CLINT1: variants seen among roughly 807,000 people sequenced by gnomAD.
CLINT1 encodes the protein clathrin interactor 1, also known as clathrin interacting protein localized in the trans-Golgi region.
Under a neutral mutation model 70.4 loss-of-function variants are expected in CLINT1, and 15 were observed. The observed-to-expected ratio is 0.21, with a 90% confidence interval of 0.14 to 0.33. The LOEUF (loss-of-function observed/expected upper bound fraction) is 0.33. Ranked by LOEUF, CLINT1 falls within the 10% of genes least tolerant of loss-of-function variation. CLINT1 has a pLI of 1.00. For missense variants in CLINT1, 615 were observed against 778.1 expected (o/e 0.79, Z 2.49); for synonymous variants, 227 against 254.7 (o/e 0.89, Z 1.04).
At chr5:157,830,757 C>CT (rs1561662736) in intron 1 of CLINT1, among the ~76,000 whole-genome samples, 1,472 of 87,134 alleles carry the variant, frequency 0.017, 25 homozygotes, top group Non-Finnish European at 0.026. Flanking sequence ...CCTCTCTCTC[C>CT]CTCTCTCTCT....
Position 157,819,923 on chromosome 5 carries a change from G to A in CLINT1, c.42-2376C>T, listed in dbSNP as rs138569739. Among the ~76,000 whole-genome samples, 299 of 152,234 alleles carry A rather than the reference G, an allele frequency of 2.0e-3. 13 individuals are homozygous for A. The East Asian group carries it at 0.05, about 26-fold the overall frequency. On this transcript the variant is annotated intron_variant, in intron 1 of 11. Coordinates refer to ENST00000411809, the MANE Select transcript of CLINT1 (RefSeq NM_014666.4). ...GTCAAATAAGAAAGGTTCTGTTTCCGTAACCCTTCACAAGATTCTTAGCTG... is the reference window on the plus strand; with the variant it reads ...GTCAAATAAGAAAGGTTCTGTTTCCATAACCCTTCACAAGATTCTTAGCTG...
chr5:157,835,141 GC>G (rs1485505509), intron 1 of CLINT1, among the ~76,000 whole-genome samples: 1 of 152,122 alleles, frequency 6.6e-6, no homozygotes, highest in Non-Finnish European at 1.5e-5. Context: ...ACACTTTTAT[GC>G]TTTACACGTT....
chr5:157,824,448 T>C (rs1762970979), intron 1 of CLINT1, among the ~76,000 whole-genome samples: 1 of 151,682 alleles, frequency 6.6e-6, no homozygotes, highest in Non-Finnish European at 1.5e-5. Context: ...TGTGGGGAGG[T>C]GGAAAAACTC....
At chr5:157,839,106 G>A (rs1763530446) in intron 1 of CLINT1, among the ~76,000 whole-genome samples, 1 of 152,108 alleles carries the variant, frequency 6.6e-6, no homozygotes, top group Non-Finnish European at 1.5e-5. Context: ...GTGTATGCCT[G>A]TAGTCCCAGG....
intron 1 of CLINT1, among the ~76,000 whole-genome samples, chr5:157,832,741 A>T (rs975300751): frequency 1.3e-5 from 2 of 152,158 alleles, no homozygotes; most frequent in Non-Finnish European, 2.9e-5. Context: ...TGGCTTGAGC[A>T]ACACTTGAGA....
At chr5:157,823,920 T>C (rs2650358) in intron 1 of CLINT1, among the ~76,000 whole-genome samples, 20,277 of 152,030 alleles carry the variant, frequency 0.13, 1,758 homozygotes, top group African/African-American at 0.25. Context: ...GAACTGTGCA[T>C]GTGAGGGACC....
intron 10 of CLINT1, chr5:157,790,028 C>G (rs978731962): frequency 6.0e-6 from 1 of 166,916 alleles, no homozygotes; most frequent in African/African-American, 2.4e-5. Flanking sequence ...GGATGAAACC[C>G]CATCTCTACT....
rs368857753 is a variant in CLINT1 at position 157,803,834 on chromosome 5, G to A, written c.943-115C>T. On this transcript the variant is annotated intron_variant, in intron 7 of 11. Coordinates refer to ENST00000411809, the MANE Select transcript of CLINT1 (RefSeq NM_014666.4). ...AATACCTGTAATTAGCTTAATAAGG[G>A]TAGGGTTTTCTGGAAAAAGAGTACT... is the stretch of plus-strand genomic sequence containing the variant. 4.0e-5 allele frequency: 25 copies of A among 629,206 alleles called. No individual in the cohort carries two copies. In the African/African-American group the frequency reaches 4.1e-4, roughly 10 times the overall value. The allele number at this position is 629,206 out of a possible 1,614,324, so 39.0% of individuals were successfully genotyped here.
intron 6 of CLINT1, 128 bp downstream of exon 6, chr5:157,809,500 A>T: frequency 1.6e-6 from 1 of 628,046 alleles, no homozygotes; most frequent in East Asian, 3.4e-5. Context: ...AGTCTATTAA[A>T]AAAAAAAAAA....
intron 1 of CLINT1, among the ~76,000 whole-genome samples, chr5:157,837,815 T>C (rs945911093): frequency 2.0e-5 from 3 of 151,930 alleles, no homozygotes; most frequent in Admixed American, 2.0e-4. Flanking sequence ...TGCTAACTTT[T>C]GTGTTTTTAG....
At chr5:157,788,022 TACC>T in intron 11 of CLINT1, 30 bp from the exon 12 acceptor site, 1 of 1,531,612 alleles carries the variant, frequency 6.5e-7, no homozygotes, top group Admixed American at 1.9e-5. Context: ...AGAAGAACTT[TACC>T]ACAATAAATT....
chr5:157,805,377 G>A (rs918355964), intron 7 of CLINT1, among the ~76,000 whole-genome samples: 1 of 152,168 alleles, frequency 6.6e-6, no homozygotes, highest in African/African-American at 2.4e-5. Context: ...AAACGAAGAT[G>A]GTACAAGAGG....
chr5:157,813,084 T>C lies in CLINT1; in HGVS notation c.496A>G (p.Ser166Gly), dbSNP rs879682872. 7 of 1,613,930 alleles carry C rather than the reference T, an allele frequency of 4.3e-6. No homozygotes were observed. Among genetic ancestry groups the C allele is most frequent in the African/African-American group, 1.3e-5 (1 of 75,066 alleles). Residue 166 changes from serine to glycine, a missense_variant, in exon 5 of 12, where the codon AGT becomes GGT. By Grantham distance (56) the Ser-to-Gly change is moderately conservative. Transcript: ENST00000411809. ...KDKYVGVSSD[S>G]VGGFRYSERY... is the part of the protein sequence containing the mutation. ...TCACTGTATCTGAATCCTCCAACAC[T>C]GTCTGAGGAAACCCCAACATACTTG...
At chr5:157,840,691 G>A (rs1277196348) in intron 1 of CLINT1, among the ~76,000 whole-genome samples, 1 of 151,758 alleles carries the variant, frequency 6.6e-6, no homozygotes, top group Non-Finnish European at 1.5e-5. Flanking sequence ...AAGTATACAT[G>A]TATTCTCTTT....
intron 11 of CLINT1, 59 bp from the exon 12 acceptor site, chr5:157,788,051 C>G (rs1427037295): frequency 7.8e-7 from 1 of 1,283,902 alleles, no homozygotes; most frequent in African/African-American, 1.5e-5. Context: ...GTTCATAGAA[C>G]AGAGAACTAA....
rs1762497914 is a variant in CLINT1, at chr5:157,809,779, A to G, written c.544T>C (p.Ser182Pro). Residue 182 changes from serine (S) to proline (P), a missense_variant, in exon 6 of 12, where the codon TCA becomes CCA. Physicochemically the swap from Ser to Pro is moderately conservative, Grantham distance 74. Transcript: ENST00000411809. ...TTATCCCACTCCTCATCCCATTTTG[A>G]TTTGGGCTCAGGATCATATCTTTCA... is the stretch of plus-strand genomic sequence containing the variant. Reference protein sequence around the residue: ...YSERYDPEPKSKWDEEWDKNK... With the variant: ...YSERYDPEPKPKWDEEWDKNK... 1 of 1,612,880 alleles carries G rather than the reference A, an allele frequency of 6.2e-7. No homozygotes were observed. The highest frequency in any genetic ancestry group is 8.5e-7 in the Non-Finnish European group (1 of 1,179,416).
intron 1 of CLINT1, among the ~76,000 whole-genome samples, chr5:157,850,188 G>A (rs145053645): frequency 6.6e-6 from 1 of 152,306 alleles, no homozygotes; most frequent in African/African-American, 2.4e-5. Flanking sequence ...ATTTGACTTA[G>A]TATTTTTAAA....
intron 6 of CLINT1, among the ~76,000 whole-genome samples, chr5:157,808,851 T>C (rs1561646888): frequency 2.0e-5 from 3 of 151,970 alleles, no homozygotes; most frequent in African/African-American, 7.2e-5. Flanking sequence ...TTGACTTATG[T>C]TTAATTAAAC....
intron 1 of CLINT1, among the ~76,000 whole-genome samples, chr5:157,843,953 C>T (rs1404223108): frequency 1.3e-5 from 2 of 152,016 alleles, no homozygotes; most frequent in South Asian, 2.1e-4. Context: ...ATATCAGATG[C>T]TAATCAAAAG....
Sources: gnomAD v4.1 joint callset for allele counts (sites outside exome capture counted in the v4.1 genomes callset) on GRCh38, gnomAD v4.1.1 for gene constraint, MANE v1.5 for transcripts, NCBI Gene and HGNC (gene_info 2026-07-23, HGNC 2026-07-21) for gene names.